HBD: variants seen among roughly 807,000 people sequenced by gnomAD.
HBD encodes the protein hemoglobin subunit delta.
In HBD, 11 loss-of-function variants were observed where a neutral mutation model predicts 9.2. That is an observed-to-expected ratio of 1.20 (90% CI 0.76 to 1.99). HBD has a LOEUF of 1.99. Among genes scored for constraint, HBD ranks in the 30% most tolerant of loss-of-function variants. The pLI is 0.00. For missense variants in HBD, 189 were observed against 174.3 expected (o/e 1.08, Z -0.47); for synonymous variants, 83 against 69.4 (o/e 1.20, Z -0.98).
In HBD at chr11:5,232,948, G is replaced by A; in HGVS notation, c.*16C>T. The A allele has an allele frequency of 1.9e-6, 3 of 1,613,996 alleles. No homozygotes were observed. Among genetic ancestry groups the A allele is most frequent in the Non-Finnish European group, 2.5e-6 (3 of 1,179,916 alleles). On this transcript the variant is annotated 3_prime_UTR_variant, in exon 3 of 3. Transcript: ENST00000650601. ...AATAGGGTCTTCTTATGGTTATCAG[G>A]AAACAGTCCAGGATCTCAATGGTAC...
At chr11:5,233,891 G>T in intron 2 of HBD, 100 bp downstream of exon 2, 1 of 985,162 alleles carries the variant, frequency 1.0e-6, no homozygotes, top group Non-Finnish European at 1.6e-6. Flanking sequence ...ATAAAATATA[G>T]TAAAATGACA....
Position 5,234,352 on chromosome 11 carries a change from C to A in HBD, c.82G>T (p.Ala28Ser), listed in dbSNP as rs35152987. ...AACCTTGATACCAACCTGCCCAGGG[C>A]CTCACCACCAACTGCATCCACGTTC... ...KVNVDAVGGEALGRLLVVYPW... is the reference protein window; with the variant it reads ...KVNVDAVGGESLGRLLVVYPW... Residue 28 changes from alanine (A) to serine (S), a missense_variant, in exon 1 of 3, where the codon GCC (alanine) becomes TCC (serine). Ala to Ser is a moderately conservative substitution (Grantham distance 99). Coordinates refer to ENST00000650601, the MANE Select transcript of HBD (RefSeq NM_000519.4). The A allele has an allele frequency of 1.9e-3, 3,024 of 1,613,812 alleles. 17 individuals are homozygous for A. Among genetic ancestry groups the A allele is most frequent in the Middle Eastern group, 6.4e-3 (39 of 6,062 alleles).
At position 5,233,096 on chromosome 11, in the gene HBD, C is replaced by T. The variant is rs978547519; in HGVS notation, c.316-4G>A. On this transcript the variant is annotated splice_region_variant and splice_polypyrimidine_tract_variant and intron_variant, in intron 2 of 2. Transcript: ENST00000650601. ...ACACCAGCACATTGCCCAAGAGCTG[C>T]GGAGAAGAGGTAGGCAGATACATGC... 15 of 1,613,606 alleles carry T rather than the reference C, an allele frequency of 9.3e-6. No individual in the cohort carries two copies. The highest frequency in any genetic ancestry group is 8.9e-5 in the East Asian group (4 of 44,874).
chr11:5,233,686 T>C (rs1847698654), intron 2 of HBD, among the ~76,000 whole-genome samples: 1 of 152,128 alleles, frequency 6.6e-6, no homozygotes, highest in African/African-American at 2.4e-5. Flanking sequence ...GACAAAAGGA[T>C]TATTCTAAGT....
chr11:5,234,296 G>C (rs1476949302), intron 1 of HBD, 46 bp downstream of exon 1: 3 of 1,598,142 alleles, frequency 1.9e-6, no homozygotes, highest in African/African-American at 1.3e-5. Context: ...CACATGCCCA[G>C]TTTCCATTTG....
intron 2 of HBD, 66 bp downstream of exon 2, chr11:5,233,925 G>T: frequency 7.3e-7 from 1 of 1,374,916 alleles, no homozygotes; most frequent in Non-Finnish European, 1.0e-6. Context: ...AGAGCAGGTA[G>T]GTAAAAGAAC....
At position 5,234,231 on chromosome 11, in the gene HBD, G is replaced by A. The variant is rs774957917; in HGVS notation, c.93-18C>T. The A allele has an allele frequency of 6.2e-7, 1 of 1,609,816 alleles. No individual in the cohort carries two copies. Among genetic ancestry groups the A allele is most frequent in the South Asian group, 1.1e-5 (1 of 91,004 alleles). The stretch of plus-strand genomic sequence containing the variant: ...CCAGTAATCTGAGGGTAGGAAAACA[G>A]CCCAAGGGACAGAGAGTCAGTGCCT... On this transcript the variant is annotated intron_variant, in intron 1 of 2. Coordinates refer to ENST00000650601, the MANE Select transcript of HBD (RefSeq NM_000519.4).
intron 1 of HBD, 43 bp downstream of exon 1, chr11:5,234,299 T>C: frequency 1.3e-6 from 2 of 1,599,842 alleles, no homozygotes; most frequent in Middle Eastern, 3.3e-4. Flanking sequence ...ATGCCCAGTT[T>C]CCATTTGCCT....
In HBD at chr11:5,234,325, A is replaced by T. The variant is rs372352398; in HGVS notation, c.92+17T>A. ...CCATTTGCCTCCTTGAGCCTCTCTTATAACCTTGATACCAACCTGCCCAGG... is the reference window on the plus strand; with the variant it reads ...CCATTTGCCTCCTTGAGCCTCTCTTTTAACCTTGATACCAACCTGCCCAGG... On this transcript the variant is annotated intron_variant, in intron 1 of 2. Transcript: ENST00000650601. 1.4e-5 allele frequency: 22 copies of T among 1,611,446 alleles called. No homozygotes were observed. Among genetic ancestry groups the T allele is most frequent in the Non-Finnish European group, 1.9e-5 (22 of 1,177,704 alleles).
At chr11:5,233,594 T>C (rs1847697428) in intron 2 of HBD, among the ~76,000 whole-genome samples, 1 of 152,152 alleles carries the variant, frequency 6.6e-6, no homozygotes, top group Non-Finnish European at 1.5e-5. Flanking sequence ...TATTCCTTAT[T>C]GTAAAATGAT....
In HBD at chr11:5,234,391, G is replaced by A. The variant is rs779230012; in HGVS notation, c.43C>T (p.Leu15=). 4.3e-6 allele frequency: 7 copies of A among 1,614,020 alleles called. No individual in the cohort carries two copies. Among genetic ancestry groups the A allele is most frequent in the African/African-American group, 2.7e-5 (2 of 75,016 alleles). Residue 15 remains leucine (L), a synonymous_variant, in exon 1 of 3, where the codon CTG becomes TTG. Transcript: ENST00000650601. ...TPEEKTAVNA[L]WGKVNVDAVG... The stretch of plus-strand genomic sequence containing the variant: ...GCATCCACGTTCACTTTGCCCCACA[G>A]GGCATTGACAGCAGTCTTCTCCTCA...
rs281864511 is a variant in HBD, at chr11:5,234,149, C to G, written c.157G>C (p.Asp53His). The change falls in exon 2 of 3, where the codon GAT becomes CAT. Residue 53 changes from aspartate to histidine, a missense_variant. Asp to His is a moderately conservative substitution (Grantham distance 81). Coordinates refer to ENST00000650601, the MANE Select transcript of HBD (RefSeq NM_000519.4). The stretch of plus-strand genomic sequence containing the variant: ...ACCTTAGGGTTGCCCATAACAGCAT[C>G]AGGAGAGGACAGATCCCCAAAGGAC... ...FESFGDLSSP[D>H]AVMGNPKVKA... 3.7e-6 allele frequency: 6 copies of G among 1,614,074 alleles called. No individual in the cohort carries two copies. The highest frequency in any genetic ancestry group is 1.1e-5 in the South Asian group (1 of 91,084).
chr11:5,233,818 G>C (rs1847700388), intron 2 of HBD, among the ~76,000 whole-genome samples, 173 bp downstream of exon 2: 1 of 152,100 alleles, frequency 6.6e-6, no homozygotes, highest in East Asian at 1.9e-4. Flanking sequence ...GCAAGATTGT[G>C]AGGAAGGAAA....
At chr11:5,234,257 A>G in intron 1 of HBD, 44 bp from the exon 2 acceptor site, 1 of 1,599,370 alleles carries the variant, frequency 6.3e-7, no homozygotes, top group Non-Finnish European at 8.6e-7. Context: ...GTCAGTGCCT[A>G]TCAGAAACCC....
rs34373781 is a variant in HBD, at chr11:5,234,055, C to T, written c.251G>A (p.Gly84Asp). Residue 84 changes from glycine to aspartate, a missense_variant, in exon 2 of 3, where the codon GGC becomes GAC. Transcript: ENST00000650601. ...DGLAHLDNLK[G>D]TFSQLSELHC... ...CAGCTCACTCAGCTGAGAAAAAGTGCCCTTGAGGTTGTCCAGGTGAGCCAG... is the reference window on the plus strand; with the variant it reads ...CAGCTCACTCAGCTGAGAAAAAGTGTCCTTGAGGTTGTCCAGGTGAGCCAG... 6.2e-7 allele frequency: 1 copy of T among 1,614,046 alleles called. No homozygotes were observed.
rs770533831 is a variant in HBD, at chr11:5,234,472, A to C, written c.-39T>G. The C allele has an allele frequency of 2.1e-6, 3 of 1,457,738 alleles. No homozygotes were observed. The highest frequency in any genetic ancestry group is 3.3e-5 in the Admixed American group (2 of 59,792). The allele number at this position is 1,457,738 out of a possible 1,614,324, so 90.3% of individuals were successfully genotyped here. On this transcript the variant is annotated 5_prime_UTR_variant, in exon 1 of 3. Transcript: ENST00000650601. ...GGTTGCTAGTGAACACTGTTATGTCAGAAGAAAGTGTAAGCAACAGTCGAC... is the reference window on the plus strand; with the variant it reads ...GGTTGCTAGTGAACACTGTTATGTCCGAAGAAAGTGTAAGCAACAGTCGAC...
intron 2 of HBD, 103 bp from the exon 3 acceptor site, chr11:5,233,195 T>C (rs1847692725): frequency 8.8e-7 from 1 of 1,131,042 alleles, no homozygotes. Flanking sequence ...GCCCAAATCT[T>C]AGACAAAACT....
chr11:5,233,858 C>T lies in HBD; in HGVS notation c.315+133G>A, dbSNP rs1000194743. ...GCAGAATATTTAAATAAAAAATTAA[C>T]AAAATTTTAGAAGCATTAAATGATA... On this transcript the variant is annotated intron_variant, in intron 2 of 2. Coordinates refer to ENST00000650601, the MANE Select transcript of HBD (RefSeq NM_000519.4). The T allele has an allele frequency of 6.8e-6, 5 of 738,788 alleles. No homozygotes were observed. In the African/African-American group the frequency reaches 9.0e-5, roughly 13 times the overall value. The allele number at this position is 738,788 out of a possible 1,614,324, so 45.8% of individuals were successfully genotyped here. A position where few individuals can be genotyped will look rare whatever the true frequency, so the allele number is the denominator to read the frequency against.
rs772372210 is a variant in HBD at position 5,233,984 on chromosome 11, G to T, written c.315+7C>A. The stretch of plus-strand genomic sequence containing the variant: ...AAAGAGAAAAGTGAAGCATCTCCTG[G>T]ACTCACCCTGAAGTTCTCAGGATCC... On this transcript the variant is annotated splice_region_variant and intron_variant, in intron 2 of 2. Coordinates refer to ENST00000650601, the MANE Select transcript of HBD (RefSeq NM_000519.4). 1.6e-5 allele frequency: 26 copies of T among 1,612,670 alleles called. No homozygotes were observed. The South Asian group carries it at 2.9e-4, about 18-fold the overall frequency.
Sources: allele counts gnomAD v4.1 joint callset (sites outside exome capture counted in the v4.1 genomes callset), GRCh38; gene constraint gnomAD v4.1.1; transcripts MANE v1.5; gene names NCBI Gene and HGNC (gene_info 2026-07-23, HGNC 2026-07-21).